ECE1: variants seen among roughly 807,000 people sequenced by gnomAD.
The protein encoded by ECE1 is endothelin-converting enzyme 1.
In ECE1, 35 loss-of-function variants were observed where a neutral mutation model predicts 98.6. The ratio of observed to expected loss-of-function variants is 0.35; its 90% CI spans 0.27 to 0.47. ECE1 has a LOEUF of 0.47. Ranked by LOEUF, ECE1 falls within the 20% of genes least tolerant of loss-of-function variation. The probability of loss-of-function intolerance (pLI) is 1.00; values close to 1 mark genes in which losing one functional copy is unlikely to be tolerated. For missense variants in ECE1, 814 were observed against 1,025.3 expected, an observed-to-expected ratio of 0.79 and a Z score of 2.81; for synonymous variants, 394 against 407.1, an observed-to-expected ratio of 0.97 and a Z score of 0.39.
chr1:21,222,509 C>T (rs1389246769), intron 17 of ECE1, among the ~76,000 whole-genome samples: 1 of 152,126 alleles, frequency 6.6e-6, no homozygotes, highest in Non-Finnish European at 1.5e-5. Flanking sequence ...GGCTAATGGT[C>T]ACCGCTGCAA....
In ECE1 at chr1:21,245,045, G is replaced by C. The variant is rs2098201434; in HGVS notation, c.1222C>G (p.Gln408Glu). Residue 408 changes from glutamine (Q) to glutamate (E), a missense_variant, in exon 10 of 19, where the codon CAG (glutamine) becomes GAG (glutamate). Physicochemically the swap from Gln to Glu is conservative, Grantham distance 29. This residue lies in a region of ECE1 where 452 missense variants were observed against 567.3 expected (regional missense o/e 0.80). Coordinates refer to ENST00000374893, the MANE Select transcript of ECE1 (RefSeq NM_001397.3). ...TTCTCATCGGCGTCCTGAAAGCGCT[G>C]GTCAAGGAAGGAGCTTGTTTTCCGC... is the stretch of plus-strand genomic sequence containing the variant. The part of the protein sequence containing the change: ...LVRKTSSFLD[Q>E]RFQDADEKFM... The C allele has an allele frequency of 3.7e-6, 6 of 1,614,190 alleles. No homozygotes were observed. The highest frequency in any genetic ancestry group is 5.1e-6 in the Non-Finnish European group (6 of 1,180,036).
Position 21,230,240 on chromosome 1 carries a change from C to T in ECE1, c.1671-2199G>A, listed in dbSNP as rs139929968. Among the ~76,000 whole-genome samples, 304 of 152,086 alleles carry T rather than the reference C, an allele frequency of 2.0e-3. 1 individual carries two copies. Among genetic ancestry groups the T allele is most frequent in the African/African-American group, 7.2e-3 (297 of 41,512 alleles). On this transcript the variant is annotated intron_variant, in intron 14 of 18. Transcript: ENST00000374893. ...AGTTCATGGATGTGGTTTCAGATTC[C>T]ATAGTGCAATTAACCTTTAAAAAAT...
intron 2 of ECE1, among the ~76,000 whole-genome samples, chr1:21,281,105 G>T (rs887404200): frequency 1.3e-5 from 2 of 152,156 alleles, no homozygotes; most frequent in African/African-American, 4.8e-5. Context: ...CAGGAGAATC[G>T]CTTGAACCCG....
chr1:21,343,376 C>T (rs1255178201), intron 1 of ECE1, among the ~76,000 whole-genome samples: 2 of 152,228 alleles, frequency 1.3e-5, no homozygotes, highest in Non-Finnish European at 2.9e-5. Flanking sequence ...CATTCGTCTT[C>T]CAGACCAGCA....
At chr1:21,254,068 C>CAAA (rs57691016) in intron 8 of ECE1, among the ~76,000 whole-genome samples, 5 of 99,074 alleles carry the variant, frequency 5.0e-5, no homozygotes, top group East Asian at 2.9e-4. Flanking sequence ...GACTTTGTCT[C>CAAA]AAAAAAAAAA....
At chr1:21,246,569 A>G (rs1404107787) in intron 9 of ECE1, among the ~76,000 whole-genome samples, 1 of 152,084 alleles carries the variant, frequency 6.6e-6, no homozygotes, top group Admixed American at 6.6e-5. Context: ...GCCAACATTT[A>G]CTGAGTCCCA....
chr1:21,240,692 C>T (rs212505), intron 10 of ECE1, among the ~76,000 whole-genome samples: 21,505 of 152,208 alleles, frequency 0.14, 3,484 homozygotes, highest in African/African-American at 0.4. Flanking sequence ...CCCTCCCTCC[C>T]GCGCCTACCC....
At chr1:21,336,085 T>A (rs931680575) in intron 1 of ECE1, among the ~76,000 whole-genome samples, 1 of 152,196 alleles carries the variant, frequency 6.6e-6, no homozygotes, top group Non-Finnish European at 1.5e-5. Flanking sequence ...TTCTTCCTTC[T>A]TTCAAAAAAC....
rs199950512 is a variant in ECE1 at position 21,247,309 on chromosome 1, C to T, written c.1075G>A (p.Val359Met). 20 of 1,614,212 alleles carry T rather than the reference C, an allele frequency of 1.2e-5. No individual in the cohort carries two copies. Among genetic ancestry groups the T allele is most frequent in the East Asian group, 2.2e-5 (1 of 44,890 alleles). ...ATAGGCTCGGATTCATTGATCTCCA[C>T]GGGGTAGAAGATGGTGTTGAGAAAA... ...LPFLNTIFYP[V>M]EINESEPIVV... The change falls in exon 9 of 19, where the codon GTG becomes ATG. Residue 359 changes from valine to methionine, a missense_variant. By Grantham distance (21) the Val-to-Met change is conservative (BLOSUM62 1). This residue lies in a region of ECE1 where 452 missense variants were observed against 567.3 expected (regional missense o/e 0.80). Coordinates refer to ENST00000374893, the MANE Select transcript of ECE1 (RefSeq NM_001397.3).
At position 21,322,524 on chromosome 1, in the gene ECE1, G is replaced by A. The variant is rs1638986798; in HGVS notation, c.3+22852C>T. Reference sequence around the variant, plus strand: ...AGGCTGAGGCACAGGTTGGGGCTGTGCCAGGCCCCCCACATGTGTCACACT... The same window carrying A: ...AGGCTGAGGCACAGGTTGGGGCTGTACCAGGCCCCCCACATGTGTCACACT... On this transcript the variant is annotated intron_variant, in intron 1 of 18. Transcript: ENST00000415912. This position sits in a 1 kb window ranked among gnomAD's most constrained non-coding sequence, Gnocchi z 4.1. 6.6e-6 allele frequency among the ~76,000 whole-genome samples: 1 copy of A among 152,212 alleles called. No homozygotes were observed. Among genetic ancestry groups the A allele is most frequent in the Admixed American group, 6.5e-5 (1 of 15,274 alleles).
intron 14 of ECE1, among the ~76,000 whole-genome samples, chr1:21,232,296 T>C (rs1444835505): frequency 2.0e-5 from 3 of 151,852 alleles, no homozygotes; most frequent in Non-Finnish European, 4.4e-5. Context: ...CAGTTTTTTT[T>C]TTTCTTTCTT....
intron 5 of ECE1, among the ~76,000 whole-genome samples, 172 bp from the exon 6 acceptor site, chr1:21,259,011 C>G (rs2098223522): frequency 1.3e-5 from 2 of 152,146 alleles, no homozygotes; most frequent in African/African-American, 4.8e-5. Flanking sequence ...GACCCATGAG[C>G]TGGAGACCCA....
At chr1:21,312,971 T>C (rs1638760971) in intron 1 of ECE1, among the ~76,000 whole-genome samples, 1 of 152,212 alleles carries the variant, frequency 6.6e-6, no homozygotes, top group Admixed American at 6.5e-5. Flanking sequence ...TCATTGTCTC[T>C]CATTTTGCAG....
Position 21,236,767 on chromosome 1 carries a change from G to C in ECE1, c.1467C>G (p.Thr489=). 1 of 1,613,818 alleles carries C rather than the reference G, an allele frequency of 6.2e-7. No homozygotes were observed. The highest frequency in any genetic ancestry group is 8.5e-7 in the Non-Finnish European group (1 of 1,180,012). ...TCACCTTTTCCTTGGCTGATTTTCG[G>C]GTTTCCTCATCCATCCACTTCAGGG... ...LSTLKWMDEE[T]RKSAKEKADA... Residue 489 remains threonine, a synonymous_variant, in exon 12 of 19, where the codon ACC becomes ACG. Coordinates refer to ENST00000374893, the MANE Select transcript of ECE1 (RefSeq NM_001397.3).
chr1:21,343,927 C>T (rs1416467748), intron 1 of ECE1, among the ~76,000 whole-genome samples: 2 of 152,076 alleles, frequency 1.3e-5, no homozygotes, highest in East Asian at 1.9e-4. Context: ...GGTGCCCATA[C>T]ACTGAGACTT....
At chr1:21,221,594 ATC>A (rs1273069462) in intron 18 of ECE1, among the ~76,000 whole-genome samples, 151 bp downstream of exon 18, 2 of 152,180 alleles carry the variant, frequency 1.3e-5, no homozygotes, top group East Asian at 3.8e-4. Flanking sequence ...CCTTCCGTGC[ATC>A]TCTCTAATGA....
intron 1 of ECE1, among the ~76,000 whole-genome samples, chr1:21,315,887 T>C (rs1482951264): frequency 6.6e-6 from 1 of 151,238 alleles, no homozygotes; most frequent in Non-Finnish European, 1.5e-5. Context: ...ACAGGCAGCG[T>C]CAGGAAAGAG....
In ECE1 at chr1:21,345,291, G is replaced by T; in HGVS notation, c.3+85C>A. 5.4e-6 allele frequency: 7 copies of T among 1,296,814 alleles called. No homozygotes were observed. The highest frequency in any genetic ancestry group is 5.9e-6 in the Non-Finnish European group (6 of 1,016,038). 80.3% of individuals were successfully genotyped at this position (1,296,814 alleles called of 1,614,324 possible). A position where few individuals can be genotyped will look rare whatever the true frequency, so the allele number is the denominator to read the frequency against. ...CGCCCAGCCCCCCGCGAGCCAGGGC[G>T]GCCCCGGGTGCCACCCGCGGCACCG... is the stretch of plus-strand genomic sequence containing the variant. On this transcript the variant is annotated intron_variant, in intron 1 of 18. Coordinates refer to the ECE1 transcript ENST00000415912. The surrounding 1 kb of genome is among the most constrained non-coding windows in gnomAD (Gnocchi z 5.1).
At chr1:21,252,801 G>A (rs535590019) in intron 8 of ECE1, among the ~76,000 whole-genome samples, 1 of 152,356 alleles carries the variant, frequency 6.6e-6, no homozygotes, top group African/African-American at 2.4e-5. Context: ...CTGTCCCAGA[G>A]TAGAATGAAT....
Sources: allele counts gnomAD v4.1 joint callset (sites outside exome capture counted in the v4.1 genomes callset), GRCh38; gene constraint gnomAD v4.1.1; regional missense constraint gnomAD v4.1.1; non-coding constraint Gnocchi (gnomAD v3.1); transcripts MANE v1.5; gene names NCBI Gene and HGNC (gene_info 2026-07-23, HGNC 2026-07-21).